DCN: variants seen among roughly 807,000 people sequenced by gnomAD.
DCN encodes decorin, also known as bone proteoglycan II.
DCN carries 17 observed loss-of-function variants against 36.5 expected under a neutral mutation model. That is an observed-to-expected ratio of 0.47 (90% CI 0.32 to 0.70). The LOEUF (loss-of-function observed/expected upper bound fraction) is 0.70, where lower values mean the gene tolerates loss of function less well. Ranked by LOEUF, DCN falls within the 30% of genes least tolerant of loss-of-function variation. The pLI is 0.04. For synonymous variants in DCN, 163 were observed against 161.4 expected, an observed-to-expected ratio of 1.01 and a Z score of -0.07; for missense variants, 389 against 430.1, an observed-to-expected ratio of 0.90 and a Z score of 0.84.
chr12:91,164,638 T>G lies in DCN; in HGVS notation c.291A>C (p.Lys97Asn), dbSNP rs759374285. The G allele has an allele frequency of 6.2e-7, 1 of 1,611,660 alleles. No individual in the cohort carries two copies. Among genetic ancestry groups the G allele is most frequent in the Admixed American group, 1.7e-5 (1 of 60,010 alleles). The change falls in exon 3 of 8, where the codon AAA (lysine) becomes AAC (asparagine). Residue 97 changes from lysine (K) to asparagine (N), a missense_variant. Lys to Asn is a moderately conservative substitution (Grantham distance 94). Coordinates refer to ENST00000052754, the MANE Select transcript of DCN (RefSeq NM_001920.5). The part of the protein sequence containing the change: ...DLQNNKITEI[K>N]DGDFKNLKNL... Reference sequence around the variant, plus strand: ...TCTTCAGGTTCTTAAAGTCTCCATCTTTGATTTCGGTTATTTTGTTGTTTT... The same window carrying G: ...TCTTCAGGTTCTTAAAGTCTCCATCGTTGATTTCGGTTATTTTGTTGTTTT...
intron 2 of DCN, chr12:91,177,451 G>A (rs1268488292): frequency 3.1e-6 from 2 of 638,186 alleles, no homozygotes; most frequent in Non-Finnish European, 5.6e-6. Flanking sequence ...ATGATATAAA[G>A]ATTTTTTTTT....
chr12:91,145,942 T>G lies in DCN; in HGVS notation c.*116A>C. On this transcript the variant is annotated 3_prime_UTR_variant, in exon 8 of 8. Coordinates refer to ENST00000052754, the MANE Select transcript of DCN (RefSeq NM_001920.5). ...ATTTGGCTTTATGCATAATAAGTCA[T>G]GTGGGTAAAACATCCACATTGCAGT... 1 of 913,824 alleles carries G rather than the reference T, an allele frequency of 1.1e-6. No homozygotes were observed. The highest frequency in any genetic ancestry group is 1.4e-5 in the South Asian group (1 of 70,282). 56.6% of individuals were successfully genotyped at this position (913,824 alleles called of 1,614,324 possible).
At chr12:91,169,396 A>AC (rs1363904227) in intron 2 of DCN, among the ~76,000 whole-genome samples, 10 of 151,430 alleles carry the variant, frequency 6.6e-5, no homozygotes, top group African/African-American at 1.9e-4. Context: ...AAAAAAAAAA[A>AC]AAAAACCAAA....
intron 7 of DCN, among the ~76,000 whole-genome samples, chr12:91,148,351 G>A (rs1881172144): frequency 6.6e-6 from 1 of 152,012 alleles, no homozygotes; most frequent in African/African-American, 2.4e-5. Flanking sequence ...GGGATTACTG[G>A]CATGAGCCAC....
chr12:91,167,943 G>A (rs531362315), intron 2 of DCN, among the ~76,000 whole-genome samples: 14 of 152,198 alleles, frequency 9.2e-5, no homozygotes, highest in African/African-American at 2.9e-4. Flanking sequence ...CGATTCAAGC[G>A]ATTCTCCTGC....
Position 91,148,545 on chromosome 12 carries a change from G to A in DCN, c.886-2293C>T, listed in dbSNP as rs1396768748. 2.0e-5 allele frequency among the ~76,000 whole-genome samples: 3 copies of A among 151,264 alleles called. No individual in the cohort carries two copies. The East Asian group carries it at 5.9e-4, about 30-fold the overall frequency. On this transcript the variant is annotated intron_variant, in intron 7 of 7. Transcript: ENST00000052754. ...AGCCTCACCAACATGATGAAACCCCGTTTCTACTAAAAATACAAAAATTAG... is the reference window on the plus strand; with the variant it reads ...AGCCTCACCAACATGATGAAACCCCATTTCTACTAAAAATACAAAAATTAG...
chr12:91,178,686 C>T (rs1290839979), intron 1 of DCN, 101 bp from the exon 2 acceptor site: 8 of 747,448 alleles, frequency 1.1e-5, no homozygotes, highest in Admixed American at 4.2e-5. Flanking sequence ...AGAAAAGATG[C>T]AAAATAATAT....
chr12:91,171,573 A>G (rs1882958375), intron 2 of DCN, among the ~76,000 whole-genome samples: 1 of 152,192 alleles, frequency 6.6e-6, no homozygotes, highest in African/African-American at 2.4e-5. Context: ...AAGGTTGTAC[A>G]GCTGCTACCC....
intron 2 of DCN, chr12:91,172,463 A>G: frequency 4.9e-6 from 1 of 202,034 alleles, no homozygotes; most frequent in Non-Finnish European, 1.0e-5. Flanking sequence ...GCTCAAGGCA[A>G]GCATGTTCCC....
rs1353109853 is a variant in DCN, at chr12:91,150,418, C to G, written c.885+1236G>C. Among the ~76,000 whole-genome samples the G allele has an allele frequency of 2.0e-5, 3 of 152,078 alleles. No individual in the cohort carries two copies. In the East Asian group the frequency reaches 5.8e-4, roughly 29 times the overall value. ...CAAAATTAGATTATAAAACCAAATA[C>G]AGGAGTTAAAATTATAAAATTTCTA... On this transcript the variant is annotated intron_variant, in intron 7 of 7. Coordinates refer to ENST00000052754, the MANE Select transcript of DCN (RefSeq NM_001920.5).
At position 91,141,601 on chromosome 12, in the gene DCN, A is replaced by G. The variant is rs1366820804; in HGVS notation, c.*4457T>C. The G allele has an allele frequency of 6.6e-6, 1 of 152,212 alleles. No homozygotes were observed. Among genetic ancestry groups the G allele is most frequent in the Non-Finnish European group, 1.5e-5 (1 of 68,044 alleles). The allele number at this position is 152,212 out of a possible 1,614,324, so 9.4% of individuals were successfully genotyped here. A position where few individuals can be genotyped will look rare whatever the true frequency, so the allele number is the denominator to read the frequency against. ...CTGCCACTAGAACACTGTCAAGCAC[A>G]CAGTAGGTTATTAATAAATATTGGC... On this transcript the variant is annotated 3_prime_UTR_variant, in exon 8 of 8. Coordinates refer to ENST00000052754, the MANE Select transcript of DCN (RefSeq NM_001920.5).
chr12:91,144,061 T>A lies in DCN; in HGVS notation c.*1997A>T, dbSNP rs570854434. On this transcript the variant is annotated 3_prime_UTR_variant, in exon 8 of 8. Coordinates refer to ENST00000052754, the MANE Select transcript of DCN (RefSeq NM_001920.5). ...TCCCCTCTTTAGATTTCTACTTATT[T>A]CTCACCACACTTGTCAGTTAAGCAG... 148 of 152,144 alleles carry A rather than the reference T, an allele frequency of 9.7e-4. 1 individual carries two copies. Among genetic ancestry groups the A allele is most frequent in the African/African-American group, 3.1e-3 (128 of 41,520 alleles). The allele number at this position is 152,144 out of a possible 1,614,324, so 9.4% of individuals were successfully genotyped here.
chr12:91,148,721 C>CAAAAAAAAA (rs5799978), intron 7 of DCN, among the ~76,000 whole-genome samples: 3,431 of 49,352 alleles, frequency 0.07, 264 homozygotes, highest in Middle Eastern at 0.093. Flanking sequence ...CGCTCCGACT[C>CAAAAAAAAA]AAAAAAAAAA....
At chr12:91,153,019 G>T in intron 6 of DCN, 77 bp downstream of exon 6, 1 of 831,266 alleles carries the variant, frequency 1.2e-6, no homozygotes, top group Non-Finnish European at 2.1e-6. Context: ...CAATCATCAT[G>T]TTTATAATTC....
chr12:91,174,265 AG>A (rs1205876862), intron 2 of DCN, among the ~76,000 whole-genome samples: 5 of 152,044 alleles, frequency 3.3e-5, no homozygotes, highest in Admixed American at 6.6e-5. Context: ...GGTCCTCTTT[AG>A]AGAGGTGGAG....
chr12:91,167,312 G>GTC (rs1882631593), intron 2 of DCN, among the ~76,000 whole-genome samples: 1 of 151,998 alleles, frequency 6.6e-6, no homozygotes, highest in Admixed American at 6.6e-5. Flanking sequence ...ACAAAGGGAA[G>GTC]GGTCCTTAAA....
rs747245434 is a variant in DCN at position 91,164,733 on chromosome 12, T to C, written c.212-16A>G. Reference sequence around the variant, plus strand: ...TTGTCCAGACCTAGCATAAGAGTAATAGGAGTGTGCTGTGAGTAGAAAGGA... The same window carrying C: ...TTGTCCAGACCTAGCATAAGAGTAACAGGAGTGTGCTGTGAGTAGAAAGGA... On this transcript the variant is annotated splice_polypyrimidine_tract_variant and intron_variant, in intron 2 of 7. Transcript: ENST00000052754. The C allele has an allele frequency of 4.5e-6, 6 of 1,320,338 alleles. No individual in the cohort carries two copies. The highest frequency in any genetic ancestry group is 4.3e-5 in the African/African-American group (3 of 69,132). The allele number at this position is 1,320,338 out of a possible 1,614,324, so 81.8% of individuals were successfully genotyped here. A position where few individuals can be genotyped will look rare whatever the true frequency, so the allele number is the denominator to read the frequency against.
rs3138208 is a variant in DCN at position 91,167,736 on chromosome 12, A to G, written c.212-3019T>C. On this transcript the variant is annotated intron_variant, in intron 2 of 7. Transcript: ENST00000052754. Reference sequence around the variant, plus strand: ...TCATAGGTAAGGAAACAGAAACCCAAAGAAGTTAAATAGCTTATCTAAGGT... The same window carrying G: ...TCATAGGTAAGGAAACAGAAACCCAGAGAAGTTAAATAGCTTATCTAAGGT... 9.0e-3 allele frequency among the ~76,000 whole-genome samples: 1,376 copies of G among 152,326 alleles called. 24 individuals are homozygous for G. Among genetic ancestry groups the G allele is most frequent in the African/African-American group, 0.032 (1,317 of 41,562 alleles).
rs776878920 is a variant in DCN, at chr12:91,146,267, G to A, written c.886-15C>T. 1.3e-5 allele frequency: 19 copies of A among 1,504,200 alleles called. No homozygotes were observed. Among genetic ancestry groups the A allele is most frequent in the South Asian group, 1.0e-4 (9 of 87,690 alleles). 93.2% of individuals were successfully genotyped at this position (1,504,200 alleles called of 1,614,324 possible). A position where few individuals can be genotyped will look rare whatever the true frequency, so the allele number is the denominator to read the frequency against. ...AGGTAGACAACCTACAACATGAAAC[G>A]ATAGAAAATAATTATTATTCTCTAA... On this transcript the variant is annotated splice_polypyrimidine_tract_variant and intron_variant, in intron 7 of 7. Transcript: ENST00000052754.
Sources: gnomAD v4.1 joint callset for allele counts (sites outside exome capture counted in the v4.1 genomes callset) on GRCh38, gnomAD v4.1.1 for gene constraint, MANE v1.5 for transcripts, NCBI Gene and HGNC (gene_info 2026-07-23, HGNC 2026-07-21) for gene names.